The following UBR7 variants were observed in gnomAD, a reference collection of about 807,000 sequenced individuals.
UBR7 encodes the protein putative E3 ubiquitin-protein ligase UBR7.
A neutral mutation model predicts 57.0 loss-of-function variants in UBR7; 22 were observed. The ratio of observed to expected loss-of-function variants is 0.39; its 90% CI spans 0.28 to 0.55. The LOEUF (loss-of-function observed/expected upper bound fraction) is 0.55. Among genes scored for constraint, UBR7 ranks in the 20% least tolerant of loss-of-function variants. UBR7 has a pLI of 0.69. For missense variants in UBR7, 395 were observed against 513.2 expected (o/e 0.77, Z 2.23); for synonymous variants, 167 against 179.8 (o/e 0.93, Z 0.57).
At chr14:93,209,728 G>A in intron 1 of UBR7, 96 bp from the exon 2 acceptor site, 1 of 1,459,758 alleles carries the variant, frequency 6.9e-7, no homozygotes, top group Non-Finnish European at 9.3e-7. Context: ...CTTGACCACA[G>A]ATAATCTGAT....
At chr14:93,218,404 C>T in intron 6 of UBR7, 123 bp from the exon 7 acceptor site, 1 of 867,144 alleles carries the variant, frequency 1.2e-6, no homozygotes, top group Admixed American at 2.4e-5. Context: ...GAGTGAGACT[C>T]TGTCTGTAAA....
chr14:93,213,100 T>C (rs964021263), intron 4 of UBR7, among the ~76,000 whole-genome samples: 4 of 152,046 alleles, frequency 2.6e-5, no homozygotes, highest in Admixed American at 2.6e-4. Flanking sequence ...ATTGCGGCAC[T>C]GCACTCCAGC....
intron 1 of UBR7, 135 bp downstream of exon 1, chr14:93,207,576 C>T (rs540535323): frequency 8.0e-7 from 1 of 1,251,802 alleles, no homozygotes; most frequent in Non-Finnish European, 1.1e-6. Context: ...TCTGCCGCTT[C>T]CTCACCCCAA....
Position 93,222,343 on chromosome 14 carries a change from A to C in UBR7, c.1154A>C (p.Asp385Ala). Reference sequence around the variant, plus strand: ...AATGATTTGAAGACTGAACTTAAAGACTATCTCAAGAGATTTGCTGATGAA... The same window carrying C: ...AATGATTTGAAGACTGAACTTAAAGCCTATCTCAAGAGATTTGCTGATGAA... ...EYNDLKTELK[D>A]YLKRFADEGT... Residue 385 changes from aspartate to alanine, a missense_variant, in exon 10 of 11, where the codon GAC (aspartate) becomes GCC (alanine). By Grantham distance (126) the Asp-to-Ala change is moderately radical. Transcript: ENST00000013070. The C allele has an allele frequency of 1.2e-6, 2 of 1,610,092 alleles. No individual in the cohort carries two copies. Among genetic ancestry groups the C allele is most frequent in the Non-Finnish European group, 1.7e-6 (2 of 1,176,238 alleles).
chr14:93,228,560 T>G lies in UBR7; in HGVS notation c.*1525T>G, dbSNP rs1286995248. 2.2e-6 allele frequency: 1 copy of G among 453,956 alleles called. No individual in the cohort carries two copies. Among genetic ancestry groups the G allele is most frequent in the Non-Finnish European group, 4.4e-6 (1 of 226,786 alleles). The allele number at this position is 453,956 out of a possible 1,614,324, so 28.1% of individuals were successfully genotyped here. Reference sequence around the variant, plus strand: ...CCATGTTCTTCGGCACTCAGGCTCCTAATTGCAGATCCTCACGAAGGGTGG... The same window carrying G: ...CCATGTTCTTCGGCACTCAGGCTCCGAATTGCAGATCCTCACGAAGGGTGG... On this transcript the variant is annotated 3_prime_UTR_variant, in exon 11 of 11. Coordinates refer to ENST00000013070, the MANE Select transcript of UBR7 (RefSeq NM_175748.4).
intron 10 of UBR7, among the ~76,000 whole-genome samples, chr14:93,223,149 C>T (rs944286667): frequency 2.0e-5 from 3 of 152,116 alleles, no homozygotes; most frequent in African/African-American, 7.2e-5. Flanking sequence ...TTAATCCCAG[C>T]ACTTTAGGAG....
intron 10 of UBR7, chr14:93,223,719 G>T (rs1272119196): frequency 3.5e-6 from 3 of 864,240 alleles, no homozygotes; most frequent in East Asian, 5.0e-5. Flanking sequence ...CGGCCGGCTG[G>T]CGGCACTTGC....
chr14:93,208,646 A>G (rs1490535150), intron 1 of UBR7, among the ~76,000 whole-genome samples: 1 of 152,088 alleles, frequency 6.6e-6, no homozygotes, highest in Non-Finnish European at 1.5e-5. Flanking sequence ...CAGATCAACA[A>G]ATAGAACATT....
Position 93,218,611 on chromosome 14 carries a change from G to A in UBR7, c.686G>A (p.Gly229Glu). 1 of 1,614,078 alleles carries A rather than the reference G, an allele frequency of 6.2e-7. No homozygotes were observed. The highest frequency in any genetic ancestry group is 8.5e-7 in the Non-Finnish European group (1 of 1,180,008). ...CAGGAAGTTATCAAACCTGAAAATG[G>A]AGAGCATCAAGATAGTACCCTCAAA... ...GDQEVIKPEN[G>E]EHQDSTLKED... Residue 229 changes from glycine to glutamate, a missense_variant, in exon 7 of 11, where the codon GGA becomes GAA. Gly to Glu is a moderately conservative substitution (Grantham distance 98). Coordinates refer to ENST00000013070, the MANE Select transcript of UBR7 (RefSeq NM_175748.4).
At chr14:93,223,615 G>T (rs956394810) in intron 10 of UBR7, 6 of 1,282,056 alleles carry the variant, frequency 4.7e-6, no homozygotes, top group Non-Finnish European at 6.6e-6. Context: ...AACGTGTTGG[G>T]CCTCTTGGTG....
chr14:93,223,527 T>TG, intron 10 of UBR7: 2 of 630,312 alleles, frequency 3.2e-6, no homozygotes, highest in African/African-American at 1.9e-5. Flanking sequence ...CATTTTTTCC[T>TG]TTTTTTTCTT....
chr14:93,227,457 C>T lies in UBR7; in HGVS notation c.*422C>T, dbSNP rs1480910498. On this transcript the variant is annotated 3_prime_UTR_variant, in exon 11 of 11. Coordinates refer to ENST00000013070, the MANE Select transcript of UBR7 (RefSeq NM_175748.4). ...AAGGCTCTCTTCCCGTCACCTAGAA[C>T]CTCTACAGGTCCCCTCGCCCCTATG... is the stretch of plus-strand genomic sequence containing the variant. 1.5e-6 allele frequency: 1 copy of T among 686,488 alleles called. No homozygotes were observed. The highest frequency in any genetic ancestry group is 2.7e-6 in the Non-Finnish European group (1 of 376,522). The allele number at this position is 686,488 out of a possible 1,614,324, so 42.5% of individuals were successfully genotyped here.
At chr14:93,223,220 A>G (rs1894746761) in intron 10 of UBR7, among the ~76,000 whole-genome samples, 1 of 151,926 alleles carries the variant, frequency 6.6e-6, no homozygotes, top group African/African-American at 2.4e-5. Context: ...AACATGGTGA[A>G]ACCTTGTCTC....
At chr14:93,210,929 T>G (rs1894469561) in intron 3 of UBR7, among the ~76,000 whole-genome samples, 2 of 152,198 alleles carry the variant, frequency 1.3e-5, no homozygotes, top group South Asian at 2.1e-4. Flanking sequence ...GGGGGAGAGA[T>G]GTACTTGAAA....
intron 9 of UBR7, 131 bp from the exon 10 acceptor site, chr14:93,222,182 C>T (rs1894722841): frequency 8.8e-6 from 6 of 678,320 alleles, no homozygotes; most frequent in African/African-American, 3.6e-5. Flanking sequence ...AGTTTCTATG[C>T]AGCTTTCACT....
intron 4 of UBR7, among the ~76,000 whole-genome samples, chr14:93,214,192 G>T (rs1352800283): frequency 6.6e-6 from 1 of 152,244 alleles, no homozygotes; most frequent in African/African-American, 2.4e-5. Context: ...CTTCCAAAGT[G>T]CTGGGATTAT....
At chr14:93,219,406 G>A (rs1229142599) in intron 8 of UBR7, 45 bp downstream of exon 8, 1 of 1,611,986 alleles carries the variant, frequency 6.2e-7, no homozygotes, top group Admixed American at 1.7e-5. Flanking sequence ...TTTGTGTACT[G>A]GTGCCCCAAA....
At chr14:93,216,407 C>G (rs984396115) in intron 6 of UBR7, among the ~76,000 whole-genome samples, 1 of 152,052 alleles carries the variant, frequency 6.6e-6, no homozygotes, top group Admixed American at 6.6e-5. Flanking sequence ...ATGAATGGTC[C>G]TGAGGCATTA....
Position 93,219,296 on chromosome 14 carries a change from A to G in UBR7, c.895A>G (p.Lys299Glu), listed in dbSNP as rs1894656637. 6.2e-7 allele frequency: 1 copy of G among 1,614,222 alleles called. No homozygotes were observed. Among genetic ancestry groups the G allele is most frequent in the African/African-American group, 1.3e-5 (1 of 75,068 alleles). The stretch of plus-strand genomic sequence containing the variant: ...GCTTAAAGCTAAGCAGCTTATAAAG[A>G]AAGACACTGCCACCTATTGGCCCCT... ...QELKAKQLIK[K>E]DTATYWPLNW... Residue 299 changes from lysine (K) to glutamate (E), a missense_variant, in exon 8 of 11, where the codon AAA (lysine) becomes GAA (glutamate). Coordinates refer to ENST00000013070, the MANE Select transcript of UBR7 (RefSeq NM_175748.4).
Sources: gnomAD v4.1 joint callset for allele counts (sites outside exome capture counted in the v4.1 genomes callset) on GRCh38, gnomAD v4.1.1 for gene constraint, MANE v1.5 for transcripts, NCBI Gene and HGNC (gene_info 2026-07-23, HGNC 2026-07-21) for gene names.